Variants in CEP63 observed in about 807,000 individuals in gnomAD.
CEP63 encodes centrosomal protein 63, also known as centrosomal protein of 63 kDa.
CEP63 carries 84 observed loss-of-function variants against 89.1 expected under a neutral mutation model. The observed-to-expected ratio is 0.94, with a 90% CI of 0.79 to 1.13. CEP63 has a LOEUF of 1.13. Among genes scored for constraint, CEP63 ranks in the 50% most tolerant of loss-of-function variants. The pLI is 0.00. For missense variants in CEP63, 838 were observed against 813.3 expected (o/e 1.03, Z -0.37); for synonymous variants, 267 against 272.5 (o/e 0.98, Z 0.20).
At chr3:134,595,598 A>G in the CEP63 span, among the ~76,000 whole-genome samples, 3 of 152,186 alleles carry the variant, frequency 2.0e-5, no homozygotes, top group South Asian at 6.2e-4. Flanking sequence ...TGGCCTCAGA[A>G]TCTGTCTAAA....
At chr3:134,583,132 C>G (rs1321978288) in intron 10 of CEP63, among the ~76,000 whole-genome samples, 2 of 152,138 alleles carry the variant, frequency 1.3e-5, no homozygotes, top group African/African-American at 4.8e-5. Flanking sequence ...TATAGGTTGC[C>G]TGTTGACTCT....
At chr3:134,568,755 C>T (rs4539979), downstream of CEP63, among the ~76,000 whole-genome samples, 96,548 of 152,114 alleles carry the variant, frequency 0.63, 31,347 homozygotes, top group East Asian at 0.81. Flanking sequence ...AGACGCTTCC[C>T]CAGGCAAAGT....
downstream of CEP63, among the ~76,000 whole-genome samples, chr3:134,588,756 A>G (rs893390335): frequency 6.6e-6 from 1 of 152,198 alleles, no homozygotes; most frequent in Non-Finnish European, 1.5e-5. Context: ...TTCAATAGAG[A>G]AAACAACAAA....
downstream of CEP63, among the ~76,000 whole-genome samples, chr3:134,590,682 C>T (rs1958580937): frequency 6.6e-6 from 1 of 152,198 alleles, no homozygotes; most frequent in African/African-American, 2.4e-5. Flanking sequence ...ACATACAGTA[C>T]ACTACAATTA....
chr3:134,715,500 G>GTGCAGCCAGGAATTCC, the CEP63 span, among the ~76,000 whole-genome samples: 1 of 148,454 alleles, frequency 6.7e-6, no homozygotes, highest in Admixed American at 6.9e-5. Flanking sequence ...CAGAAGGGTT[G>GTGCAGCCAGGAATTCC]TGCAGCCAGG....
the CEP63 span, among the ~76,000 whole-genome samples, chr3:134,704,239 G>A: frequency 6.6e-6 from 1 of 152,162 alleles, no homozygotes; most frequent in Admixed American, 6.5e-5. Flanking sequence ...GCAGGCTTGG[G>A]TATCCCATTT....
chr3:134,552,179 C>T, intron 12 of CEP63, 167 bp downstream of exon 12: 1 of 445,718 alleles, frequency 2.2e-6, no homozygotes. Context: ...CAAAATATGA[C>T]TCTCCACTCC....
intron 3 of CEP63, among the ~76,000 whole-genome samples, chr3:134,515,357 A>G (rs1362338397): frequency 2.0e-5 from 3 of 152,264 alleles, no homozygotes; most frequent in African/African-American, 4.8e-5. Flanking sequence ...TAAATGCAGT[A>G]ACTGGCTTAA....
chr3:134,698,289 A>G, the CEP63 span, among the ~76,000 whole-genome samples: 3 of 152,140 alleles, frequency 2.0e-5, no homozygotes, highest in Non-Finnish European at 4.4e-5. Context: ...TGGACAGCTG[A>G]CTCTGGAAAG....
chr3:134,730,975 T>A, the CEP63 span, among the ~76,000 whole-genome samples: 1 of 152,106 alleles, frequency 6.6e-6, no homozygotes, highest in Non-Finnish European at 1.5e-5. Context: ...AAAATAACCA[T>A]AACCAAGCTG....
At chr3:134,485,825 A>T, upstream of CEP63, 1 of 255,830 alleles carries the variant, frequency 3.9e-6, no homozygotes, top group Non-Finnish European at 6.1e-6. Context: ...CGAGTGCAGT[A>T]AAGAAAAACG....
At chr3:134,565,859 T>C (rs1957734269), downstream of CEP63, among the ~76,000 whole-genome samples, 1 of 151,932 alleles carries the variant, frequency 6.6e-6, no homozygotes, top group African/African-American at 2.4e-5. Flanking sequence ...AGTATGTGAG[T>C]ATCCAGAAGA....
the CEP63 span, among the ~76,000 whole-genome samples, chr3:134,766,369 C>A: frequency 6.6e-6 from 1 of 152,342 alleles, no homozygotes; most frequent in South Asian, 2.1e-4. Flanking sequence ...ATTTGGGAAC[C>A]TTCCTCAGAT....
At chr3:134,617,436 T>C in the CEP63 span, among the ~76,000 whole-genome samples, 1 of 151,408 alleles carries the variant, frequency 6.6e-6, no homozygotes, top group Non-Finnish European at 1.5e-5. Flanking sequence ...GCAGGGGAGG[T>C]AGAAGGAGAG....
chr3:134,657,708 A>G, the CEP63 span, among the ~76,000 whole-genome samples: 1 of 152,120 alleles, frequency 6.6e-6, no homozygotes, highest in Non-Finnish European at 1.5e-5. Flanking sequence ...GTCAAAGACT[A>G]TGACTATTTT....
At chr3:134,606,394 A>G in the CEP63 span, among the ~76,000 whole-genome samples, 1 of 152,242 alleles carries the variant, frequency 6.6e-6, no homozygotes, top group Non-Finnish European at 1.5e-5. Context: ...CTCCAAGGCC[A>G]CAACCCTTCA....
At chr3:134,555,612 G>A (rs569699735) in intron 12 of CEP63, among the ~76,000 whole-genome samples, 109 of 152,082 alleles carry the variant, frequency 7.2e-4, no homozygotes, top group Middle Eastern at 3.4e-3. Context: ...CACTGCTCAA[G>A]GAAATAAAAC....
chr3:134,543,425 A>T lies in CEP63; in HGVS notation c.556-2161A>T, dbSNP rs1032679725. ...ATGTACTTTTCACTATGCTTAAAAA[A>T]CACTGTATTTTTGTGTGACCAAAAT... On this transcript the variant is annotated intron_variant, in intron 6 of 14. Transcript: ENST00000675561. Among the ~76,000 whole-genome samples, 3 of 152,206 alleles carry T rather than the reference A, an allele frequency of 2.0e-5. No homozygotes were observed. The South Asian group carries it at 6.2e-4, about 31-fold the overall frequency.
At chr3:134,726,981 GA>G in the CEP63 span, among the ~76,000 whole-genome samples, 7,898 of 151,822 alleles carry the variant, frequency 0.052, 270 homozygotes, top group Middle Eastern at 0.083. Context: ...TCTTCCTCAT[GA>G]TCTCTCTCTC....
Sources: allele counts gnomAD v4.1 joint callset (sites outside exome capture counted in the v4.1 genomes callset), GRCh38; gene constraint gnomAD v4.1.1; transcripts MANE v1.5; gene names NCBI Gene and HGNC (gene_info 2026-07-23, HGNC 2026-07-21).